PTH2R: variants seen among roughly 807,000 people sequenced by gnomAD.
PTH2R encodes the protein parathyroid hormone 2 receptor, also known as PTH2 receptor.
In PTH2R, 59 loss-of-function variants were observed where a neutral mutation model predicts 60.3. The ratio of observed to expected loss-of-function variants is 0.98; its 90% CI spans 0.79 to 1.22. The LOEUF (loss-of-function observed/expected upper bound fraction) is 1.22. Ranked by LOEUF, PTH2R falls within the 50% of genes most tolerant of loss-of-function variation. PTH2R has a pLI of 0.00. For synonymous variants in PTH2R, 256 were observed against 243.8 expected (o/e 1.05, Z -0.47); for missense variants, 749 against 682.6 (o/e 1.10, Z -1.08).
intron 1 of PTH2R, among the ~76,000 whole-genome samples, chr2:208,416,249 A>G (rs1396097970): frequency 6.6e-6 from 1 of 152,146 alleles, no homozygotes; most frequent in Non-Finnish European, 1.5e-5. Context: ...ATGGTGTTAA[A>G]CCTTTGTGTG....
intron 12 of PTH2R, 87 bp from the exon 13 acceptor site, chr2:208,493,177 C>T (rs1317659087): frequency 1.3e-5 from 17 of 1,327,402 alleles, no homozygotes; most frequent in Non-Finnish European, 1.5e-5. Flanking sequence ...TTATTGCTGT[C>T]ATTGAAATCA....
chr2:208,476,920 G>A (rs996476354), intron 9 of PTH2R, among the ~76,000 whole-genome samples: 2 of 152,150 alleles, frequency 1.3e-5, no homozygotes, highest in East Asian at 1.9e-4. Context: ...CCCTGGAGAC[G>A]CTGCAGAGAA....
intron 10 of PTH2R, 105 bp downstream of exon 10, chr2:208,481,269 A>C (rs1055105691): frequency 1.7e-6 from 1 of 602,792 alleles, no homozygotes; most frequent in Non-Finnish European, 2.7e-6. Flanking sequence ...CCCAGGCTGG[A>C]GTGCAATGGC....
intron 4 of PTH2R, 49 bp from the exon 5 acceptor site, chr2:208,442,315 T>G: frequency 7.6e-7 from 1 of 1,324,214 alleles, no homozygotes; most frequent in Non-Finnish European, 1.1e-6. Context: ...TTTGCCAGTT[T>G]ATTGGTAAAA....
At chr2:208,452,212 G>C (rs1484428273) in intron 8 of PTH2R, among the ~76,000 whole-genome samples, 1 of 152,096 alleles carries the variant, frequency 6.6e-6, no homozygotes, top group Non-Finnish European at 1.5e-5. Context: ...TAACCTCTCT[G>C]AGCCTCAGTT....
chr2:208,394,618 AG>A (rs954368163), intron 1 of PTH2R, among the ~76,000 whole-genome samples: 1 of 152,080 alleles, frequency 6.6e-6, no homozygotes, highest in African/African-American at 2.4e-5. Flanking sequence ...TTGACCTCCT[AG>A]ACTTGTGTGA....
chr2:208,376,637 A>T (rs1452383218), intron 1 of PTH2R, among the ~76,000 whole-genome samples: 1 of 152,108 alleles, frequency 6.6e-6, no homozygotes, highest in Non-Finnish European at 1.5e-5. Context: ...AAGTAATAAG[A>T]GTAAGAAAAA....
In PTH2R at chr2:208,372,184, G is replaced by A. The variant is rs139444415; in HGVS notation, c.-259+11947G>A. Among the ~76,000 whole-genome samples the A allele has an allele frequency of 2.7e-3, 405 of 152,202 alleles. 2 individuals are homozygous for A. The highest frequency in any genetic ancestry group is 8.9e-3 in the African/African-American group (369 of 41,462). On this transcript the variant is annotated intron_variant, in intron 1 of 12. Transcript: ENST00000617735. ...GATTCGCCCGCCTCGGCCTCCCAAG[G>A]TGCTGGGATTACAGGCATGAGTAGT...
At chr2:208,474,354 A>G (rs951034279) in intron 9 of PTH2R, among the ~76,000 whole-genome samples, 1 of 152,210 alleles carries the variant, frequency 6.6e-6, no homozygotes, top group Non-Finnish European at 1.5e-5. Flanking sequence ...TAGTAGTGAT[A>G]TAAGCTTATC....
intron 10 of PTH2R, among the ~76,000 whole-genome samples, chr2:208,488,224 T>C (rs919608762): frequency 5.3e-5 from 8 of 152,122 alleles, no homozygotes; most frequent in African/African-American, 1.9e-4. Flanking sequence ...AGACAGAGTA[T>C]TTGGCAGAGA....
At chr2:208,483,276 A>G (rs1400554119) in intron 10 of PTH2R, among the ~76,000 whole-genome samples, 1 of 152,212 alleles carries the variant, frequency 6.6e-6, no homozygotes, top group African/African-American at 2.4e-5. Flanking sequence ...TGCTATACTA[A>G]TATAGCTTGT....
chr2:208,388,537 C>A (rs4675766), intron 1 of PTH2R, among the ~76,000 whole-genome samples: 137,419 of 152,122 alleles, frequency 0.9, 63,182 homozygotes, highest in Non-Finnish European at 0.98. Context: ...TAATATTTAT[C>A]TCCCTATCCT....
intron 7 of PTH2R, among the ~76,000 whole-genome samples, chr2:208,447,036 A>G (rs1014078868): frequency 6.6e-6 from 1 of 152,210 alleles, no homozygotes; most frequent in Admixed American, 6.5e-5. Context: ...CTTTTCAGCT[A>G]GATAAATACT....
intron 1 of PTH2R, among the ~76,000 whole-genome samples, chr2:208,412,006 C>T (rs764934023): frequency 6.6e-6 from 1 of 152,192 alleles, no homozygotes; most frequent in Non-Finnish European, 1.5e-5. Context: ...TTAGTGAGAA[C>T]TCCTGAAGGC....
intron 1 of PTH2R, among the ~76,000 whole-genome samples, chr2:208,395,485 A>C (rs1013493047): frequency 5.3e-5 from 8 of 152,226 alleles, no homozygotes; most frequent in African/African-American, 1.9e-4. Context: ...GTGTGGTAGC[A>C]AGAAACCTCA....
Position 208,420,807 on chromosome 2 carries a change from C to T in PTH2R, c.76-7394C>T, listed in dbSNP as rs116178729. 2.4e-3 allele frequency among the ~76,000 whole-genome samples: 360 copies of T among 152,300 alleles called. 2 individuals carry two copies. The highest frequency in any genetic ancestry group is 8.3e-3 in the African/African-American group (346 of 41,560). ...GCAGATTCCATTGGTTTTATACATA[C>T]TTGTGTGTGTGCACATGTATTTAGT... On this transcript the variant is annotated intron_variant, in intron 1 of 12. Coordinates refer to ENST00000272847, the MANE Select transcript of PTH2R (RefSeq NM_005048.4).
intron 4 of PTH2R, 34 bp from the exon 5 acceptor site, chr2:208,442,330 C>A: frequency 7.0e-7 from 1 of 1,426,758 alleles, no homozygotes; most frequent in Non-Finnish European, 9.9e-7. Context: ...GTAAAATAGT[C>A]CCATATCATA....
At chr2:208,452,963 T>G (rs1702437637) in intron 8 of PTH2R, among the ~76,000 whole-genome samples, 1 of 152,182 alleles carries the variant, frequency 6.6e-6, no homozygotes, top group African/African-American at 2.4e-5. Context: ...GAATTTTTAT[T>G]ATATGTGAAG....
intron 1 of PTH2R, among the ~76,000 whole-genome samples, chr2:208,423,122 TC>T (rs1469055299): frequency 6.6e-6 from 1 of 152,160 alleles, no homozygotes; most frequent in Non-Finnish European, 1.5e-5. Context: ...TGTCCTTCTT[TC>T]TACTTGCTTT....
Sources: allele counts gnomAD v4.1 joint callset (sites outside exome capture counted in the v4.1 genomes callset), GRCh38; gene constraint gnomAD v4.1.1; transcripts MANE v1.5; gene names NCBI Gene and HGNC (gene_info 2026-07-23, HGNC 2026-07-21).